Variants in ROBO2 observed in about 807,000 individuals in gnomAD.
The protein encoded by ROBO2 is roundabout homolog 2.
ROBO2 carries 53 observed loss-of-function variants against 160.8 expected under a neutral mutation model. The observed-to-expected ratio is 0.33, with a 90% CI of 0.26 to 0.41. The LOEUF (loss-of-function observed/expected upper bound fraction) is 0.41, where lower values mean the gene tolerates loss of function less well. ROBO2 is among the 10% of genes least tolerant of loss of function. The probability of loss-of-function intolerance (pLI) is 1.00; values close to 1 mark genes in which losing one functional copy is unlikely to be tolerated. For missense variants in ROBO2, 1,577 were observed against 1,722.4 expected (o/e 0.92, Z 1.49); for synonymous variants, 664 against 611.7 (o/e 1.09, Z -1.26).
intron 1 of ROBO2, among the ~76,000 whole-genome samples, chr3:75,917,554 TA>T (rs1260351943): frequency 6.6e-6 from 1 of 152,240 alleles, no homozygotes; most frequent in East Asian, 1.9e-4. Context: ...AGATACCCAG[TA>T]ATGGGATTGC....
intron 2 of ROBO2, among the ~76,000 whole-genome samples, chr3:76,991,020 G>A (rs1162524036): frequency 6.6e-6 from 1 of 152,132 alleles, no homozygotes; most frequent in Non-Finnish European, 1.5e-5. Context: ...CAGGTCAGAA[G>A]GTCAAACTGG....
At chr3:77,304,814 G>T (rs1410112389) in intron 2 of ROBO2, among the ~76,000 whole-genome samples, 2 of 152,140 alleles carry the variant, frequency 1.3e-5, no homozygotes, top group African/African-American at 4.8e-5. Flanking sequence ...TCTGTGTATT[G>T]TGCTTAGCAG....
intron 19 of ROBO2, among the ~76,000 whole-genome samples, chr3:77,597,953 C>G (rs946218506): frequency 6.6e-6 from 1 of 152,052 alleles, no homozygotes; most frequent in Non-Finnish European, 1.5e-5. Flanking sequence ...GAGGAGAATG[C>G]TGGGATCCAA....
intron 2 of ROBO2, among the ~76,000 whole-genome samples, chr3:76,830,429 C>T (rs2066979230): frequency 1.3e-5 from 2 of 152,040 alleles, no homozygotes; most frequent in South Asian, 2.1e-4. Context: ...GTATAGCTTT[C>T]ATAATTTCAA....
intron 2 of ROBO2, among the ~76,000 whole-genome samples, chr3:76,277,433 G>T (rs1475870879): frequency 1.3e-5 from 2 of 151,900 alleles, no homozygotes; most frequent in African/African-American, 4.8e-5. Flanking sequence ...TAAGAAGTAG[G>T]TCCTCTAGGG....
chr3:76,048,769 G>A (rs187480809), intron 2 of ROBO2, among the ~76,000 whole-genome samples: 9 of 152,238 alleles, frequency 5.9e-5, no homozygotes, highest in East Asian at 1.9e-4. Context: ...CTGTGTCTAC[G>A]GTAACGGGGC....
chr3:76,342,990 A>T (rs1559794990), intron 2 of ROBO2, among the ~76,000 whole-genome samples: 1 of 152,112 alleles, frequency 6.6e-6, no homozygotes. Flanking sequence ...TGCATTATAA[A>T]TGTTGATAGT....
intron 2 of ROBO2, among the ~76,000 whole-genome samples, chr3:76,364,064 A>C (rs1406297039): frequency 6.6e-6 from 1 of 152,082 alleles, no homozygotes; most frequent in African/African-American, 2.4e-5. Flanking sequence ...ACATTTACTG[A>C]GTCAATTCTT....
At chr3:75,963,197 A>G (rs1405741390) in intron 2 of ROBO2, among the ~76,000 whole-genome samples, 1 of 151,530 alleles carries the variant, frequency 6.6e-6, no homozygotes, top group African/African-American at 2.4e-5. Flanking sequence ...TTATTTATTT[A>G]TTTATTTACA....
intron 5 of ROBO2, among the ~76,000 whole-genome samples, chr3:77,506,589 G>A (rs1031760937): frequency 1.3e-5 from 2 of 151,934 alleles, no homozygotes; most frequent in African/African-American, 4.8e-5. Context: ...GGGAGATTGG[G>A]TGCTACTGGC....
In ROBO2 at chr3:77,640,096, C is replaced by CTTTTTTTTTTTTT. The variant is rs1559785171; in HGVS notation, c.3935-4608_3935-4607insTTTTTTTTTTTTT. ...GAGAGAAGAAACACTGCAGAGGAAG[C>CTTTTTTTTTTTTT]ATTTTTTTTTTTTTTTTTTTTTTTT... On this transcript the variant is annotated intron_variant, in intron 24 of 25. Transcript: ENST00000461745. Among the ~76,000 whole-genome samples, 74 of 97,428 alleles carry CTTTTTTTTTTTTT rather than the reference C, an allele frequency of 7.6e-4. 2 individuals are homozygous for CTTTTTTTTTTTTT. The highest frequency in any genetic ancestry group is 9.4e-4 in the Non-Finnish European group (48 of 51,014). The allele number at this position is 97,428 out of a possible 152,430, so 63.9% of individuals were successfully genotyped here.
At chr3:77,422,073 G>A (rs930826313) in intron 2 of ROBO2, among the ~76,000 whole-genome samples, 11 of 152,106 alleles carry the variant, frequency 7.2e-5, no homozygotes, top group Admixed American at 4.6e-4. Flanking sequence ...TGGCAATTTT[G>A]AATGCTGAGG....
chr3:75,992,571 A>G (rs1433148095), intron 2 of ROBO2, among the ~76,000 whole-genome samples: 1 of 152,188 alleles, frequency 6.6e-6, no homozygotes, highest in Non-Finnish European at 1.5e-5. Context: ...CTGCTAGGAA[A>G]GTGCAGAAGG....
At chr3:77,438,208 G>A (rs1380757599) in intron 2 of ROBO2, among the ~76,000 whole-genome samples, 1 of 151,512 alleles carries the variant, frequency 6.6e-6, no homozygotes, top group African/African-American at 2.4e-5. Context: ...ATGATAGATA[G>A]ATACATAGAT....
At position 76,056,517 on chromosome 3, in the gene ROBO2, A is replaced by AC. The variant is rs532190402; in HGVS notation, c.109+118918dup. 3.8e-4 allele frequency among the ~76,000 whole-genome samples: 58 copies of AC among 151,092 alleles called. No homozygotes were observed. In the South Asian group the frequency reaches 9.2e-3, roughly 24 times the overall value. On this transcript the variant is annotated intron_variant, in intron 2 of 26. Coordinates refer to the ROBO2 transcript ENST00000487694. ...TCCAAAATAAAATTGAAGAAAAAAA[A>AC]CCCATTCACTTTTAAAATACTGAAG...
intron 2 of ROBO2, among the ~76,000 whole-genome samples, chr3:76,295,825 G>T (rs112995467): frequency 1.2e-3 from 186 of 152,114 alleles, no homozygotes; most frequent in African/African-American, 4.3e-3. Flanking sequence ...AAAAAATCAG[G>T]TGTTGAGTTT....
intron 2 of ROBO2, among the ~76,000 whole-genome samples, chr3:77,109,567 A>T (rs1053428231): frequency 6.6e-6 from 1 of 152,214 alleles, no homozygotes; most frequent in Non-Finnish European, 1.5e-5. Flanking sequence ...ACTCTGCAAG[A>T]GAATGTGGAA....
In ROBO2 at chr3:76,897,479, GA is replaced by G. The variant is rs1577330659; in HGVS notation, c.110-200530del. 2.6e-5 allele frequency among the ~76,000 whole-genome samples: 4 copies of G among 152,174 alleles called. 1 individual carries two copies. In the East Asian group the frequency reaches 7.8e-4, roughly 30 times the overall value. On this transcript the variant is annotated intron_variant, in intron 2 of 26. Transcript: ENST00000487694. ...TATTGACATCAATACCAAACACATT[GA>G]AAAATCACATTTTGCTCTGATGCAG... is the stretch of plus-strand genomic sequence containing the variant.
At chr3:76,002,569 T>G (rs1020512866) in intron 2 of ROBO2, among the ~76,000 whole-genome samples, 1 of 152,110 alleles carries the variant, frequency 6.6e-6, no homozygotes, top group Non-Finnish European at 1.5e-5. Context: ...GTTCTCATTT[T>G]CTCTTGCCTG....
Sources: gnomAD v4.1 joint callset for allele counts (sites outside exome capture counted in the v4.1 genomes callset) on GRCh38, gnomAD v4.1.1 for gene constraint, MANE v1.5 for transcripts, NCBI Gene and HGNC (gene_info 2026-07-23, HGNC 2026-07-21) for gene names.